Variants in RIGI observed in about 807,000 individuals in gnomAD.
RIGI encodes RNA sensor RIG-I.
the RIGI span, among the ~76,000 whole-genome samples, chr9:32,518,846 A>T: frequency 2.0e-5 from 3 of 152,154 alleles, no homozygotes; most frequent in Non-Finnish European, 4.4e-5. Context: ...AGTAGCTGGG[A>T]TTATAGTTGT....
the RIGI span, among the ~76,000 whole-genome samples, chr9:32,505,906 GTTTAACAGTATATGC>G: frequency 6.6e-6 from 1 of 152,122 alleles, no homozygotes; most frequent in African/African-American, 2.4e-5. Context: ...TAATTCCTCA[GTTTAACAGTATATGC>G]TTTTAAATGT....
chr9:32,478,336 T>C, the RIGI span, among the ~76,000 whole-genome samples: 12 of 152,302 alleles, frequency 7.9e-5, no homozygotes, highest in African/African-American at 2.6e-4. Flanking sequence ...TGAGCCACCA[T>C]GCCTGGCCAA....
chr9:32,500,797 G>GAACT, the RIGI span: 1 of 1,609,742 alleles, frequency 6.2e-7, no homozygotes, highest in Non-Finnish European at 8.5e-7. Context: ...TAAAAAGAAT[G>GAACT]AACTAACCTG....
At chr9:32,465,394 T>C in the RIGI span, among the ~76,000 whole-genome samples, 1 of 152,248 alleles carries the variant, frequency 6.6e-6, no homozygotes, top group Non-Finnish European at 1.5e-5. Context: ...TTTAAAATTA[T>C]AGACACTATG....
chr9:32,501,217 A>C, the RIGI span, among the ~76,000 whole-genome samples: 1 of 151,974 alleles, frequency 6.6e-6, no homozygotes, highest in Admixed American at 6.6e-5. Flanking sequence ...ATGTGTAAAA[A>C]AATCTCCCTG....
the RIGI span, among the ~76,000 whole-genome samples, chr9:32,484,988 G>GA: frequency 6.6e-6 from 1 of 151,666 alleles, no homozygotes; most frequent in East Asian, 1.9e-4. Context: ...GATTTAAAAG[G>GA]AAAAAAAGGA....
chr9:32,496,872 T>A, the RIGI span, among the ~76,000 whole-genome samples: 4 of 152,194 alleles, frequency 2.6e-5, no homozygotes, highest in Non-Finnish European at 5.9e-5. Context: ...TTTGAGCATA[T>A]ACTTGAGAAT....
the RIGI span, among the ~76,000 whole-genome samples, chr9:32,483,247 C>G: frequency 2.6e-5 from 4 of 152,154 alleles, no homozygotes; most frequent in African/African-American, 9.7e-5. Context: ...CTCACTCATT[C>G]ATTTTCAATA....
the RIGI span, chr9:32,466,569 A>C: frequency 1.2e-6 from 1 of 829,064 alleles, no homozygotes; most frequent in Non-Finnish European, 1.8e-6. Context: ...TTCCCAGGAA[A>C]GTTGAGCTGT....
the RIGI span, among the ~76,000 whole-genome samples, chr9:32,474,551 C>T: frequency 5.3e-5 from 8 of 152,196 alleles, no homozygotes; most frequent in East Asian, 1.5e-3. Flanking sequence ...TCTCTGGGAT[C>T]ACTCTCTCTA....
At chr9:32,467,586 T>G in the RIGI span, among the ~76,000 whole-genome samples, 1 of 152,136 alleles carries the variant, frequency 6.6e-6, no homozygotes, top group South Asian at 2.1e-4. Context: ...CAAAGTAGAG[T>G]TTATGTTAGT....
chr9:32,499,445 GTTTATTTA>G, the RIGI span, among the ~76,000 whole-genome samples: 1 of 150,400 alleles, frequency 6.6e-6, no homozygotes, highest in Non-Finnish European at 1.5e-5. Flanking sequence ...TAAATACAGG[GTTTATTTA>G]TTTATTTATT....
chr9:32,495,606 T>C, the RIGI span, among the ~76,000 whole-genome samples: 1 of 151,966 alleles, frequency 6.6e-6, no homozygotes, highest in Non-Finnish European at 1.5e-5. Context: ...TTCCATATGC[T>C]CATTAGCCAT....
the RIGI span, among the ~76,000 whole-genome samples, chr9:32,482,589 A>G: frequency 6.6e-6 from 1 of 152,168 alleles, no homozygotes; most frequent in Non-Finnish European, 1.5e-5. Context: ...GGCCGGCCGC[A>G]GTGGCTCATG....
the RIGI span, among the ~76,000 whole-genome samples, chr9:32,473,884 T>C: frequency 6.6e-6 from 1 of 151,974 alleles, no homozygotes; most frequent in Non-Finnish European, 1.5e-5. Context: ...AAAAATTAGC[T>C]GGGCATGGTG....
the RIGI span, among the ~76,000 whole-genome samples, chr9:32,498,612 C>A: frequency 6.6e-6 from 1 of 152,024 alleles, no homozygotes. Context: ...ATGCATGTAC[C>A]AGAATATTTG....
chr9:32,474,202 CA>C, the RIGI span, among the ~76,000 whole-genome samples: 155 of 50,912 alleles, frequency 3.0e-3, no homozygotes, highest in East Asian at 0.023. Context: ...GACCCTGTCT[CA>C]AAAAAAAAAA....
chr9:32,502,896 C>T, the RIGI span, among the ~76,000 whole-genome samples: 7 of 152,202 alleles, frequency 4.6e-5, no homozygotes, highest in Non-Finnish European at 8.8e-5. Context: ...GAACTAGGGG[C>T]CTGCCCTACT....
chr9:32,456,075 T>C, the RIGI span: 1 of 152,176 alleles, frequency 6.6e-6, no homozygotes, highest in Admixed American at 6.5e-5. Context: ...GTGAATGCCA[T>C]TTGGATACAT....
Sources: gnomAD v4.1 joint callset for allele counts (sites outside exome capture counted in the v4.1 genomes callset) on GRCh38, gnomAD v4.1.1 for gene constraint, MANE v1.5 for transcripts, NCBI Gene and HGNC (gene_info 2026-07-23, HGNC 2026-07-21) for gene names.